COL23A1: variants seen among roughly 807,000 people sequenced by gnomAD.
COL23A1 encodes the protein collagen alpha-1(XXIII) chain.
In COL23A1, 97 loss-of-function variants were observed where a neutral mutation model predicts 99.3. That is an observed-to-expected ratio of 0.98 (90% CI 0.83 to 1.16). The LOEUF (loss-of-function observed/expected upper bound fraction) is 1.16. Ranked by LOEUF, COL23A1 falls within the 50% of genes most tolerant of loss-of-function variation. The probability of loss-of-function intolerance (pLI) is 0.00; values close to 1 mark genes in which losing one functional copy is unlikely to be tolerated. For missense variants in COL23A1, 762 were observed against 757.4 expected, an observed-to-expected ratio of 1.01 and a Z score of -0.07; for synonymous variants, 320 against 308.2, an observed-to-expected ratio of 1.04 and a Z score of -0.40.
chr5:178,476,478 A>G (rs2127944477), intron 2 of COL23A1, among the ~76,000 whole-genome samples: 1 of 152,322 alleles, frequency 6.6e-6, no homozygotes, highest in African/African-American at 2.4e-5. Context: ...CACTGAACAA[A>G]TGGCAAATTC....
rs1330687981 is a variant in COL23A1, at chr5:178,415,432, C to T, written c.362-108513G>A. On this transcript the variant is annotated intron_variant, in intron 2 of 28. Transcript: ENST00000390654. This position sits in a 1 kb window ranked among gnomAD's most constrained non-coding sequence, Gnocchi z 4.6. ...AGTGCACAGGCTGTGGCCTCTTTCT[C>T]CCCGGGCCCGGGCCCTGGAGCACGG... 1.3e-5 allele frequency among the ~76,000 whole-genome samples: 2 copies of T among 152,200 alleles called. No homozygotes were observed. The highest frequency in any genetic ancestry group is 4.8e-5 in the African/African-American group (2 of 41,460).
intron 2 of COL23A1, among the ~76,000 whole-genome samples, chr5:178,536,534 G>A (rs956831929): frequency 7.9e-5 from 12 of 152,212 alleles, no homozygotes; most frequent in African/African-American, 2.9e-4. Flanking sequence ...TCCAGACCAT[G>A]GACAGGTGCA....
chr5:178,250,155 G>A (rs1764957125), intron 17 of COL23A1, 50 bp from the exon 18 acceptor site: 11 of 1,609,864 alleles, frequency 6.8e-6, no homozygotes, highest in Non-Finnish European at 9.3e-6. Flanking sequence ...TTCCTAAAGA[G>A]GTGTCAGCAG....
chr5:178,332,847 T>C lies in COL23A1; in HGVS notation c.362-25928A>G, dbSNP rs531625017. On this transcript the variant is annotated intron_variant, in intron 2 of 28. Transcript: ENST00000390654. ...CTATCTAGAGGGAGTGGCTCCTAGA[T>C]AGTTCACACTGACCGTTTCCAGATC... Among the ~76,000 whole-genome samples the C allele has an allele frequency of 5.3e-5, 8 of 152,172 alleles. No homozygotes were observed. The South Asian group carries it at 1.5e-3, about 28-fold the overall frequency.
intron 2 of COL23A1, among the ~76,000 whole-genome samples, chr5:178,467,141 C>T (rs2127919767): frequency 6.6e-6 from 1 of 152,304 alleles, no homozygotes; most frequent in Non-Finnish European, 1.5e-5. Context: ...AGCTGGGGTC[C>T]TTCTTTTATG....
At chr5:178,527,106 G>C (rs922214531) in intron 2 of COL23A1, among the ~76,000 whole-genome samples, 1 of 152,152 alleles carries the variant, frequency 6.6e-6, no homozygotes, top group African/African-American at 2.4e-5. Context: ...TCAAAAAAGG[G>C]GGAAGTTGGA....
At chr5:178,262,095 C>T (rs948609289) in intron 10 of COL23A1, 122 bp downstream of exon 10, 80 of 998,900 alleles carry the variant, frequency 8.0e-5, no homozygotes, top group South Asian at 7.0e-4. Flanking sequence ...CATGCAGAGG[C>T]GCGCGCACAC....
chr5:178,305,965 G>A (rs912687691), intron 3 of COL23A1, among the ~76,000 whole-genome samples: 1 of 152,120 alleles, frequency 6.6e-6, no homozygotes. Flanking sequence ...GGAGATGCTG[G>A]CTTCGGCAGG....
Position 178,448,770 on chromosome 5 carries a change from C to T in COL23A1, c.361+111912G>A, listed in dbSNP as rs965000583. ...GCTGCACTGGAGATCAAGTTTCCCA[C>T]ACATGAAGTCTGGAGAACACGTTCA... On this transcript the variant is annotated intron_variant, in intron 2 of 28. Coordinates refer to ENST00000390654, the MANE Select transcript of COL23A1 (RefSeq NM_173465.4). 2.0e-5 allele frequency among the ~76,000 whole-genome samples: 3 copies of T among 152,132 alleles called. No individual in the cohort carries two copies. The East Asian group carries it at 5.8e-4, about 29-fold the overall frequency.
intron 2 of COL23A1, among the ~76,000 whole-genome samples, chr5:178,412,157 C>T (rs781145279): frequency 6.6e-6 from 1 of 152,186 alleles, no homozygotes; most frequent in African/African-American, 2.4e-5. Context: ...ATGGTACATT[C>T]ACACAATGGA....
intron 2 of COL23A1, among the ~76,000 whole-genome samples, chr5:178,402,617 T>G (rs79572396): frequency 0.048 from 7,240 of 152,192 alleles, 476 homozygotes; most frequent in East Asian, 0.31. Flanking sequence ...CTGTGTGTGG[T>G]GGCGCATGCC....
At chr5:178,552,696 CA>C in intron 2 of COL23A1, among the ~76,000 whole-genome samples, 1 of 127,154 alleles carries the variant, frequency 7.9e-6, no homozygotes, top group East Asian at 2.2e-4. Flanking sequence ...CCTAACTCAC[CA>C]AAAAAAATTA....
intron 2 of COL23A1, among the ~76,000 whole-genome samples, chr5:178,329,150 T>C (rs1357460350): frequency 6.6e-6 from 1 of 152,196 alleles, no homozygotes; most frequent in African/African-American, 2.4e-5. Context: ...CTGTCCCCCA[T>C]AGCCTGCTAG....
At chr5:178,586,800 C>G (rs1764028730) in intron 1 of COL23A1, among the ~76,000 whole-genome samples, 1 of 152,134 alleles carries the variant, frequency 6.6e-6, no homozygotes, top group African/African-American at 2.4e-5. Flanking sequence ...AAACTGACAG[C>G]AGAGAGCAGC....
intron 1 of COL23A1, among the ~76,000 whole-genome samples, chr5:178,566,678 T>C (rs887034706): frequency 2.6e-5 from 4 of 151,972 alleles, no homozygotes; most frequent in African/African-American, 9.7e-5. Context: ...TAGCCTGATA[T>C]GGTGGCGTGC....
chr5:178,412,841 A>G (rs530034126), intron 2 of COL23A1, among the ~76,000 whole-genome samples: 1 of 152,256 alleles, frequency 6.6e-6, no homozygotes, highest in South Asian at 2.1e-4. Context: ...GACTGATTAC[A>G]TATGCTAAGC....
In COL23A1 at chr5:178,365,025, C is replaced by T. The variant is rs966192958; in HGVS notation, c.362-58106G>A. On this transcript the variant is annotated intron_variant, in intron 2 of 28. Coordinates refer to ENST00000390654, the MANE Select transcript of COL23A1 (RefSeq NM_173465.4). This position sits in a 1 kb window ranked among gnomAD's most constrained non-coding sequence, Gnocchi z 5.2. ...TAAGCAATGGGCTCTTCCTGTCAGG[C>T]GAATAAACAGATGCACAAGCAGATA... is the stretch of plus-strand genomic sequence containing the variant. Among the ~76,000 whole-genome samples the T allele has an allele frequency of 3.3e-5, 5 of 151,972 alleles. No homozygotes were observed. The highest frequency in any genetic ancestry group is 6.6e-5 in the Admixed American group (1 of 15,258).
In COL23A1 at chr5:178,415,090, C is replaced by G. The variant is rs28630632; in HGVS notation, c.362-108171G>C. Among the ~76,000 whole-genome samples the G allele has an allele frequency of 0.068, 10,412 of 152,144 alleles. 1,186 individuals carry two copies. Among genetic ancestry groups the G allele is most frequent in the African/African-American group, 0.24 (9,799 of 41,454 alleles). On this transcript the variant is annotated intron_variant, in intron 2 of 28. Coordinates refer to ENST00000390654, the MANE Select transcript of COL23A1 (RefSeq NM_173465.4). The surrounding 1 kb of genome is among the most constrained non-coding windows in gnomAD (Gnocchi z 4.6). ...CAGTTTGTGCCTCAGTTTCTCAGCA[C>G]GAAACCCGGAATATGTGAGTGCTGG... is the stretch of plus-strand genomic sequence containing the variant.
chr5:178,509,086 T>C (rs1202658796), intron 2 of COL23A1, among the ~76,000 whole-genome samples: 9 of 152,120 alleles, frequency 5.9e-5, no homozygotes, highest in African/African-American at 2.4e-5. Flanking sequence ...CTTTAAAAAA[T>C]TGGTCTAGAT....
Sources: gnomAD v4.1 joint callset for allele counts (sites outside exome capture counted in the v4.1 genomes callset) on GRCh38, gnomAD v4.1.1 for gene constraint, Gnocchi (gnomAD v3.1) non-coding constraint, MANE v1.5 for transcripts, NCBI Gene and HGNC (gene_info 2026-07-23, HGNC 2026-07-21) for gene names.